The following ZNF524 variants were observed in gnomAD, a reference collection of about 807,000 sequenced individuals.
The protein encoded by ZNF524 is zinc finger protein 524.
For missense variants in ZNF524, 388 were observed against 380.1 expected (o/e 1.02, Z -0.17); for synonymous variants, 194 against 166.3 (o/e 1.17, Z -1.28).
chr19:55,602,637 C>T lies in ZNF524; in HGVS notation c.525C>T (p.Cys175=), dbSNP rs1389146904. 1.9e-6 allele frequency: 3 copies of T among 1,590,036 alleles called. No homozygotes were observed. Among genetic ancestry groups the T allele is most frequent in the Admixed American group, 1.7e-5 (1 of 58,474 alleles). ...AGLRPFRCPL[C]PRRFREAGEL... is the part of the protein sequence containing the mutation. ...TGCGGCCCTTCCGCTGCCCGCTGTG[C>T]CCCCGCCGCTTCCGCGAGGCGGGCG... Residue 175 remains cysteine, a synonymous_variant, in exon 2 of 2, where the codon TGC becomes TGT. Transcript: ENST00000301073.
chr19:55,601,148 T>A (rs77376732), intron 1 of ZNF524: 1 of 152,330 alleles, frequency 6.6e-6, no homozygotes, highest in East Asian at 1.9e-4. Flanking sequence ...ATGTCCCCTT[T>A]CCTCCTTGGG....
At chr19:55,601,929 C>T in intron 1 of ZNF524, 146 bp from the exon 2 acceptor site, 1 of 501,466 alleles carries the variant, frequency 2.0e-6, no homozygotes, top group Non-Finnish European at 3.4e-6. Flanking sequence ...CTGTTTTACC[C>T]ACCAGCATAG....
chr19:55,601,523 ATGATGTCT>A (rs1422061048), intron 1 of ZNF524: 2 of 152,244 alleles, frequency 1.3e-5, no homozygotes, highest in Non-Finnish European at 2.9e-5. Context: ...ATTTGAACGA[ATGATGTCT>A]TGACTCCAGG....
intron 1 of ZNF524, chr19:55,600,834 G>C (rs916525058): frequency 6.6e-6 from 1 of 152,462 alleles, no homozygotes; most frequent in Non-Finnish European, 1.5e-5. Context: ...GGGAGGGGGG[G>C]GTGCAGGGGG....
chr19:55,600,916 C>T (rs1980648444), intron 1 of ZNF524: 2 of 152,304 alleles, frequency 1.3e-5, no homozygotes, highest in African/African-American at 2.4e-5. Context: ...ATCCCATGCT[C>T]CCAGTATCTG....
At position 55,602,171 on chromosome 19, in the gene ZNF524, C is replaced by T; in HGVS notation, c.59C>T (p.Pro20Leu). 2.5e-6 allele frequency: 4 copies of T among 1,601,076 alleles called. No homozygotes were observed. Among genetic ancestry groups the T allele is most frequent in the Non-Finnish European group, 3.4e-6 (4 of 1,173,462 alleles). The change falls in exon 2 of 2, where the codon CCT (proline) becomes CTT (leucine). Residue 20 changes from proline to leucine, a missense_variant. Transcript: ENST00000301073. ...CCTTTGCCCGGGGAGGAAGAGAAACCTCTGGCCTTATCTCCTCCTGTTCCC... is the reference window on the plus strand; with the variant it reads ...CCTTTGCCCGGGGAGGAAGAGAAACTTCTGGCCTTATCTCCTCCTGTTCCC... Reference protein sequence around the residue: ...PSPLPGEEEKPLALSPPVPRG... With the variant: ...PSPLPGEEEKLLALSPPVPRG...
intron 1 of ZNF524, chr19:55,600,918 C>G (rs1441132652): frequency 6.6e-6 from 1 of 152,276 alleles, no homozygotes; most frequent in African/African-American, 2.4e-5. Flanking sequence ...CCCATGCTCC[C>G]AGTATCTGAG....
chr19:55,602,358 C>G lies in ZNF524; in HGVS notation c.246C>G (p.Ser82Arg), dbSNP rs763956237. The change falls in exon 2 of 2, where the codon AGC becomes AGG. Residue 82 changes from serine to arginine, a missense_variant. Coordinates refer to ENST00000301073, the MANE Select transcript of ZNF524 (RefSeq NM_153219.4). ...VTAPVGSSGG[S>R]DLLLIDDQGV... ...CCCCAGTAGGCAGCAGTGGCGGGAG[C>G]GACCTCCTCCTGATCGATGATCAGG... 6.4e-7 allele frequency: 1 copy of G among 1,558,630 alleles called. No individual in the cohort carries two copies. The highest frequency in any genetic ancestry group is 8.7e-7 in the Non-Finnish European group (1 of 1,152,178).
Position 55,602,585 on chromosome 19 carries a change from G to A in ZNF524, c.473G>A (p.Arg158Gln). 6.3e-7 allele frequency: 1 copy of A among 1,584,680 alleles called. No individual in the cohort carries two copies. The highest frequency in any genetic ancestry group is 8.5e-7 in the Non-Finnish European group (1 of 1,171,814). ...ACCTTCAAGCGCTCCAGCCACCTGC[G>A]GCGGCACTGCAACATCCATGCCGGC... ...GKTFKRSSHL[R>Q]RHCNIHAGLR... The change falls in exon 2 of 2, where the codon CGG becomes CAG. Residue 158 changes from arginine (R) to glutamine (Q), a missense_variant. Physicochemically the swap from Arg to Gln is conservative, Grantham distance 43. Transcript: ENST00000301073.
At chr19:55,601,862 G>A (rs1980697046) in intron 1 of ZNF524, 1 of 381,026 alleles carries the variant, frequency 2.6e-6, no homozygotes, top group African/African-American at 2.1e-5. Flanking sequence ...GAGGCATAGG[G>A]ATGTCTGGTG....
Position 55,602,206 on chromosome 19 carries a change from C to G in ZNF524, c.94C>G (p.Arg32Gly). 6.2e-7 allele frequency: 1 copy of G among 1,612,496 alleles called. No homozygotes were observed. Among genetic ancestry groups the G allele is most frequent in the African/African-American group, 1.3e-5 (1 of 75,046 alleles). The change falls in exon 2 of 2, where the codon CGA (arginine) becomes GGA (glycine). Residue 32 changes from arginine (R) to glycine (G), a missense_variant. By Grantham distance (125) the Arg-to-Gly change is moderately radical. Coordinates refer to ENST00000301073, the MANE Select transcript of ZNF524 (RefSeq NM_153219.4). ...ALSPPVPRGRRGRRPGGATSS... is the reference protein window; with the variant it reads ...ALSPPVPRGRGGRRPGGATSS... The stretch of plus-strand genomic sequence containing the variant: ...ATCTCCTCCTGTTCCCCGGGGCCGC[C>G]GAGGCCGTCGTCCTGGGGGAGCCAC...
At position 55,602,776 on chromosome 19, in the gene ZNF524, C is replaced by A. The variant is rs1308786029; in HGVS notation, c.664C>A (p.Pro222Thr). ...CCGGCGCCATGCGAAGCGCAAGCAC[C>A]CGGAGGCCATGGGGGTACCCCTGTG... ...TLRRHAKRKH[P>T]EAMGVPLCAP... Residue 222 changes from proline to threonine, a missense_variant, in exon 2 of 2, where the codon CCG (proline) becomes ACG (threonine). Pro to Thr is a conservative substitution (Grantham distance 38). Coordinates refer to ENST00000301073, the MANE Select transcript of ZNF524 (RefSeq NM_153219.4). 7 of 1,610,604 alleles carry A rather than the reference C, an allele frequency of 4.3e-6. No homozygotes were observed. The highest frequency in any genetic ancestry group is 5.9e-6 in the Non-Finnish European group (7 of 1,179,862).
rs762430941 is a variant in ZNF524, at chr19:55,602,428, G to A, written c.316G>A (p.Gly106Ser). Reference sequence around the variant, plus strand: ...TGAAGGTTCAGCGGCTGGGCCTGAGGGCTCTGGCCCCAGGAAGGCCCCACA... The same window carrying A: ...TGAAGGTTCAGCGGCTGGGCCTGAGAGCTCTGGCCCCAGGAAGGCCCCACA... ...VSEGSAAGPE[G>S]SGPRKAPHFC... The change falls in exon 2 of 2, where the codon GGC becomes AGC. Residue 106 changes from glycine to serine, a missense_variant. Gly to Ser is a moderately conservative substitution (Grantham distance 56). Transcript: ENST00000301073. The A allele has an allele frequency of 6.3e-7, 1 of 1,593,112 alleles. No homozygotes were observed. Among genetic ancestry groups the A allele is most frequent in the East Asian group, 2.3e-5 (1 of 43,704 alleles).
chr19:55,602,596 A>G lies in ZNF524; in HGVS notation c.484A>G (p.Asn162Asp). The G allele has an allele frequency of 1.3e-6, 2 of 1,584,554 alleles. No homozygotes were observed. Among genetic ancestry groups the G allele is most frequent in the Non-Finnish European group, 1.7e-6 (2 of 1,171,744 alleles). The stretch of plus-strand genomic sequence containing the variant: ...CTCCAGCCACCTGCGGCGGCACTGC[A>G]ACATCCATGCCGGCCTGCGGCCCTT... The part of the protein sequence containing the change: ...KRSSHLRRHC[N>D]IHAGLRPFRC... Residue 162 changes from asparagine (N) to aspartate (D), a missense_variant, in exon 2 of 2, where the codon AAC (asparagine) becomes GAC (aspartate). Transcript: ENST00000301073.
rs1980789000 is a variant in ZNF524, at chr19:55,603,115, G to A, written c.*208G>A. 4.8e-6 allele frequency: 3 copies of A among 619,202 alleles called. No individual in the cohort carries two copies. The highest frequency in any genetic ancestry group is 1.9e-5 in the African/African-American group (1 of 53,402). 38.4% of individuals were successfully genotyped at this position (619,202 alleles called of 1,614,324 possible). ...ACAGACCCTTGGAGGCAGGGGCTGTGGAAATAAATCTCTGCCTGCTGGCTG... is the reference window on the plus strand; with the variant it reads ...ACAGACCCTTGGAGGCAGGGGCTGTAGAAATAAATCTCTGCCTGCTGGCTG... On this transcript the variant is annotated 3_prime_UTR_variant, in exon 2 of 2. Coordinates refer to ENST00000301073, the MANE Select transcript of ZNF524 (RefSeq NM_153219.4).
intron 1 of ZNF524, chr19:55,600,674 G>C (rs933955091): frequency 1.3e-5 from 2 of 152,302 alleles, no homozygotes; most frequent in East Asian, 3.9e-4. Flanking sequence ...CGTCAGTACC[G>C]GGGCGAGGGG....
In ZNF524 at chr19:55,602,583, G is replaced by T; in HGVS notation, c.471G>T (p.Leu157=). 6.3e-7 allele frequency: 1 copy of T among 1,585,102 alleles called. No individual in the cohort carries two copies. Among genetic ancestry groups the T allele is most frequent in the Admixed American group, 1.7e-5 (1 of 57,582 alleles). ...CGKTFKRSSH[L]RRHCNIHAGL... is the part of the protein sequence containing the mutation. ...AGACCTTCAAGCGCTCCAGCCACCT[G>T]CGGCGGCACTGCAACATCCATGCCG... Residue 157 remains leucine, a synonymous_variant, in exon 2 of 2, where the codon CTG becomes CTT. Coordinates refer to ENST00000301073, the MANE Select transcript of ZNF524 (RefSeq NM_153219.4).
chr19:55,600,787 GCTC>G (rs1396516292), intron 1 of ZNF524: 4 of 151,044 alleles, frequency 2.6e-5, no homozygotes. Context: ...AAAGGTGGTT[GCTC>G]CTCTCTGGAC....
chr19:55,602,278 C>T lies in ZNF524; in HGVS notation c.166C>T (p.Arg56Cys), dbSNP rs372785073. 353 of 1,592,980 alleles carry T rather than the reference C, an allele frequency of 2.2e-4. No homozygotes were observed. Among genetic ancestry groups the T allele is most frequent in the Non-Finnish European group, 2.9e-4 (344 of 1,169,978 alleles). Residue 56 changes from arginine to cysteine, a missense_variant, in exon 2 of 2, where the codon CGC becomes TGC. Transcript: ENST00000301073. The part of the protein sequence containing the change: ...LKASLPRKRG[R>C]PPKSGQEPPL... ...GGCCTCCCTCCCTCGCAAGCGGGGC[C>T]GCCCCCCCAAGTCAGGGCAGGAGCC... is the stretch of plus-strand genomic sequence containing the variant.
Sources: allele counts gnomAD v4.1 joint callset, GRCh38; gene constraint gnomAD v4.1.1; transcripts MANE v1.5; gene names NCBI Gene and HGNC (gene_info 2026-07-23, HGNC 2026-07-21).